Variants in ASIC2 observed in about 807,000 individuals in gnomAD.
ASIC2 encodes the protein acid-sensing ion channel 2.
In ASIC2, 25 loss-of-function variants were observed where a neutral mutation model predicts 57.3. That is an observed-to-expected ratio of 0.44 (90% confidence interval 0.32 to 0.61). The LOEUF is 0.61. ASIC2 is among the 20% of genes least tolerant of loss of function. The probability of loss-of-function intolerance (pLI) is 0.06; values close to 1 mark genes in which losing one functional copy is unlikely to be tolerated. For missense variants in ASIC2, 641 were observed against 738.1 expected, an observed-to-expected ratio of 0.87 and a Z score of 1.52; for synonymous variants, 319 against 307.5, an observed-to-expected ratio of 1.04 and a Z score of -0.39.
chr17:33,794,015 GTGTTATTTATCCTGACTTTCTGGC>G (rs1911846289), intron 1 of ASIC2: 1 of 152,162 alleles, frequency 6.6e-6, no homozygotes, highest in South Asian at 2.1e-4. Flanking sequence ...TTTCTTGGAG[GTGTTATTTATCCTGACTTTCTGGC>G]TGAGGAAAAT....
rs1322040112 is a variant in ASIC2, at chr17:33,269,749, T to TC, written c.708+21658dup. ...CTCCCTCCCTCCTTCCTTCCTTCCT[T>TC]CTTTCCTTCCTTCCTTCCTTCCTTC... On this transcript the variant is annotated intron_variant, in intron 1 of 9. Coordinates refer to ENST00000225823, the MANE Select transcript of ASIC2 (RefSeq NM_183377.2). 9.7e-3 allele frequency among the ~76,000 whole-genome samples: 861 copies of TC among 88,818 alleles called. 54 individuals carry two copies. Among genetic ancestry groups the TC allele is most frequent in the African/African-American group, 0.033 (811 of 24,260 alleles). 58.3% of individuals were successfully genotyped at this position (88,818 alleles called of 152,430 possible). A position where few individuals can be genotyped will look rare whatever the true frequency, so the allele number is the denominator to read the frequency against.
At chr17:34,027,936 G>T (rs528035179) in intron 1 of ASIC2, among the ~76,000 whole-genome samples, 22 of 152,242 alleles carry the variant, frequency 1.4e-4, no homozygotes, top group South Asian at 2.1e-4. Flanking sequence ...TATGAAGTGG[G>T]AATAACGATA....
rs184413500 is a variant in ASIC2, at chr17:33,202,888, C to T, written c.708+88520G>A. The stretch of plus-strand genomic sequence containing the variant: ...GGAGTGGGTGGTGGATAGGCTCTGT[C>T]TTTGTTTTTCTCCGGGGACCACCCT... On this transcript the variant is annotated intron_variant, in intron 1 of 9. Coordinates refer to ENST00000225823, the MANE Select transcript of ASIC2 (RefSeq NM_183377.2). 6.3e-3 allele frequency among the ~76,000 whole-genome samples: 955 copies of T among 152,156 alleles called. 8 individuals carry two copies. Among genetic ancestry groups the T allele is most frequent in the Non-Finnish European group, 9.7e-3 (658 of 67,990 alleles).
chr17:33,898,220 C>CTTTTTTTTTTTTTTTTTTTTTTTT lies in ASIC2; in HGVS notation c.555+257734_555+257757dup, dbSNP rs771624171. On this transcript the variant is annotated intron_variant, in intron 1 of 9. Coordinates refer to the ASIC2 transcript ENST00000359872. Reference sequence around the variant, plus strand: ...AAACTGCCCAGAGTTCATGTATAATCTTTTTTTTTTTTTTTTTTTTTTTTT... The same window carrying CTTTTTTTTTTTTTTTTTTTTTTTT: ...AAACTGCCCAGAGTTCATGTATAATCTTTTTTTTTTTTTTTTTTTTTTTTTTTTTTTTTTTTTTTTTTTTTTTTT... 9.1e-5 allele frequency among the ~76,000 whole-genome samples: 6 copies of CTTTTTTTTTTTTTTTTTTTTTTTT among 66,184 alleles called. 2 individuals carry two copies. The highest frequency in any genetic ancestry group is 5.0e-4 in the Admixed American group (2 of 4,020). The allele number at this position is 66,184 out of a possible 152,430, so 43.4% of individuals were successfully genotyped here.
At chr17:33,772,785 C>T (rs1390419949) in intron 1 of ASIC2, among the ~76,000 whole-genome samples, 1 of 152,228 alleles carries the variant, frequency 6.6e-6, no homozygotes, top group African/African-American at 2.4e-5. Flanking sequence ...GAGGCTTGGG[C>T]TTCCTATCAG....
intron 1 of ASIC2, among the ~76,000 whole-genome samples, chr17:33,877,248 C>A (rs998940921): frequency 3.9e-5 from 6 of 152,176 alleles, no homozygotes; most frequent in Admixed American, 2.0e-4. Flanking sequence ...GTTCATCTCA[C>A]TGGGGAGTGT....
At chr17:33,344,179 A>T (rs1907849884) in intron 1 of ASIC2, among the ~76,000 whole-genome samples, 1 of 152,210 alleles carries the variant, frequency 6.6e-6, no homozygotes, top group South Asian at 2.1e-4. Context: ...TCTGTCATGC[A>T]TTCCCCAGTG....
At chr17:33,467,062 A>G (rs1166765995) in intron 1 of ASIC2, among the ~76,000 whole-genome samples, 11 of 152,196 alleles carry the variant, frequency 7.2e-5, no homozygotes. Context: ...CAGGCAACCT[A>G]CAGAATGGGA....
At position 33,479,811 on chromosome 17, in the gene ASIC2, C is replaced by G. The variant is rs368952708; in HGVS notation, c.556-367744G>C. 1.8e-4 allele frequency among the ~76,000 whole-genome samples: 28 copies of G among 152,302 alleles called. No homozygotes were observed. In the East Asian group the frequency reaches 5.4e-3, roughly 29 times the overall value. On this transcript the variant is annotated intron_variant, in intron 1 of 9. Coordinates refer to the ASIC2 transcript ENST00000359872. ...CATCTGAGCAAGGCCCTGTGCCCCC[C>G]TCCCCAATCCACCCTTTCCCTGTGG...
chr17:33,103,949 C>T (rs950684976), intron 2 of ASIC2, among the ~76,000 whole-genome samples: 6 of 152,090 alleles, frequency 3.9e-5, no homozygotes, highest in African/African-American at 7.2e-5. Flanking sequence ...CTGGTTTTAC[C>T]TCCACCTCTC....
At chr17:34,133,036 T>C (rs1912036932) in intron 1 of ASIC2, among the ~76,000 whole-genome samples, 1 of 152,194 alleles carries the variant, frequency 6.6e-6, no homozygotes, top group Non-Finnish European at 1.5e-5. Context: ...ACTGAGATGA[T>C]ATATGTAAAG....
intron 1 of ASIC2, among the ~76,000 whole-genome samples, chr17:33,649,831 G>T (rs1906861982): frequency 6.6e-6 from 1 of 152,198 alleles, no homozygotes; most frequent in African/African-American, 2.4e-5. Context: ...TAGGCCAAAA[G>T]ATGAACCTCA....
chr17:33,520,670 C>T (rs987608382), intron 1 of ASIC2, among the ~76,000 whole-genome samples: 6 of 152,244 alleles, frequency 3.9e-5, no homozygotes, highest in Non-Finnish European at 7.3e-5. Flanking sequence ...GACAGGGCCC[C>T]TCTTGGGGCT....
chr17:33,412,358 G>A (rs1049567315), intron 1 of ASIC2, among the ~76,000 whole-genome samples: 3 of 152,172 alleles, frequency 2.0e-5, no homozygotes, highest in South Asian at 2.1e-4. Context: ...GTGGTTCATG[G>A]TAACTGCAGA....
chr17:34,013,448 G>C (rs1179120247), intron 1 of ASIC2, among the ~76,000 whole-genome samples: 1 of 152,220 alleles, frequency 6.6e-6, no homozygotes, highest in Non-Finnish European at 1.5e-5. Context: ...ATGCAATGGA[G>C]TCAATAAGAC....
intron 1 of ASIC2, among the ~76,000 whole-genome samples, chr17:33,579,832 G>C (rs922757580): frequency 6.6e-6 from 1 of 152,122 alleles, no homozygotes; most frequent in Admixed American, 6.5e-5. Context: ...TCTGGCTCGG[G>C]TGGGCTGCAT....
chr17:33,359,361 C>G (rs1908510203), intron 1 of ASIC2, among the ~76,000 whole-genome samples: 1 of 152,162 alleles, frequency 6.6e-6, no homozygotes, highest in Non-Finnish European at 1.5e-5. Context: ...GGAGGTATAT[C>G]CAAGTCAATG....
chr17:33,147,727 T>G (rs572341228), intron 1 of ASIC2, among the ~76,000 whole-genome samples: 1 of 152,312 alleles, frequency 6.6e-6, no homozygotes, highest in East Asian at 1.9e-4. Context: ...CAGTGCCAAC[T>G]TAGACTCAGC....
In ASIC2 at chr17:33,081,277, G is replaced by A. The variant is rs145641793; in HGVS notation, c.987+7586C>T. Among the ~76,000 whole-genome samples, 7 of 152,296 alleles carry A rather than the reference G, an allele frequency of 4.6e-5. No individual in the cohort carries two copies. In the East Asian group the frequency reaches 1.2e-3, roughly 25 times the overall value. On this transcript the variant is annotated intron_variant, in intron 3 of 9. Transcript: ENST00000225823. ...TGAAAACTTGACTCTTGGCAAAATC[G>A]TCTGGGGATCTGAAGATATTACTAC...
Sources: gnomAD v4.1 joint callset for allele counts (sites outside exome capture counted in the v4.1 genomes callset) on GRCh38, gnomAD v4.1.1 for gene constraint, MANE v1.5 for transcripts, NCBI Gene and HGNC (gene_info 2026-07-23, HGNC 2026-07-21) for gene names.